The following MEIS2 variants were observed in gnomAD, a reference collection of about 807,000 sequenced individuals.
MEIS2 encodes the protein Meis homeobox 2.
In MEIS2, 9 loss-of-function variants were observed where a neutral mutation model predicts 58.6. That is an observed-to-expected ratio of 0.15 (90% CI 0.09 to 0.27). The LOEUF (loss-of-function observed/expected upper bound fraction) is 0.27, where lower values mean the gene tolerates loss of function less well. MEIS2 is among the 10% of genes least tolerant of loss of function. The pLI, the probability that MEIS2 is intolerant of heterozygous loss-of-function variation, is 1.00. For synonymous variants in MEIS2, 221 were observed against 228.4 expected, an observed-to-expected ratio of 0.97 and a Z score of 0.29; for missense variants, 427 against 635.0, an observed-to-expected ratio of 0.67 and a Z score of 3.52.
intron 7 of MEIS2, among the ~76,000 whole-genome samples, chr15:37,070,388 G>A (rs1190315466): frequency 2.0e-5 from 3 of 152,022 alleles, no homozygotes; most frequent in Non-Finnish European, 4.4e-5. Flanking sequence ...GCAGAGTCCC[G>A]GACCACATTT....
intron 8 of MEIS2, among the ~76,000 whole-genome samples, chr15:37,035,093 G>A (rs2062098242): frequency 1.3e-5 from 2 of 152,168 alleles, no homozygotes; most frequent in African/African-American, 4.8e-5. Flanking sequence ...AAGCATGGAG[G>A]AGGACAGAGG....
At chr15:36,939,773 G>A (rs888902667) in intron 9 of MEIS2, among the ~76,000 whole-genome samples, 5 of 152,108 alleles carry the variant, frequency 3.3e-5, no homozygotes, top group Non-Finnish European at 7.4e-5. Flanking sequence ...AATTTTTATT[G>A]TATAAAGATT....
rs1595913211 is a variant in MEIS2, at chr15:37,007,944, A to G, written c.900+28870T>C. 3.3e-5 allele frequency among the ~76,000 whole-genome samples: 5 copies of G among 152,362 alleles called. No homozygotes were observed. The South Asian group carries it at 1.0e-3, about 32-fold the overall frequency. ...TATATAGCAAAACTTAATGATTTTA[A>G]AACCTAACATTCTCCTCTTCATGTA... On this transcript the variant is annotated intron_variant, in intron 8 of 11. Transcript: ENST00000561208.
intron 9 of MEIS2, among the ~76,000 whole-genome samples, chr15:36,901,859 A>G (rs1338306719): frequency 2.0e-5 from 3 of 152,102 alleles, no homozygotes; most frequent in Non-Finnish European, 2.9e-5. Context: ...TCTTCCCTAA[A>G]GTTACAAGGG....
intron 7 of MEIS2, among the ~76,000 whole-genome samples, chr15:37,049,301 T>C (rs1236973479): frequency 2.6e-5 from 4 of 152,088 alleles, no homozygotes; most frequent in Non-Finnish European, 5.9e-5. Flanking sequence ...AAATGGAAAA[T>C]GACTGCTAAT....
intron 8 of MEIS2, among the ~76,000 whole-genome samples, chr15:36,977,048 C>T (rs2059782930): frequency 6.6e-6 from 1 of 152,124 alleles, no homozygotes; most frequent in Non-Finnish European, 1.5e-5. Flanking sequence ...ATCGTTTGAA[C>T]CTGGGAGGTG....
intron 1 of MEIS2, chr15:37,098,519 G>T: frequency 1.7e-6 from 1 of 572,934 alleles, no homozygotes; most frequent in Non-Finnish European, 2.5e-6. Flanking sequence ...GGAGTTAAAA[G>T]TTGTGAGGAA....
chr15:37,050,434 T>C (rs2062866492), intron 7 of MEIS2, among the ~76,000 whole-genome samples: 1 of 152,206 alleles, frequency 6.6e-6, no homozygotes, highest in African/African-American at 2.4e-5. Context: ...CTATCTAGAA[T>C]GTTTGTCTCT....
intron 8 of MEIS2, among the ~76,000 whole-genome samples, chr15:37,027,947 C>T (rs1354728031): frequency 1.3e-5 from 2 of 152,142 alleles, no homozygotes; most frequent in African/African-American, 4.8e-5. Context: ...ACATCATAAT[C>T]ACCCAGAGTC....
At chr15:36,948,985 T>C (rs1375060738) in intron 9 of MEIS2, among the ~76,000 whole-genome samples, 1 of 152,008 alleles carries the variant, frequency 6.6e-6, no homozygotes, top group Non-Finnish European at 1.5e-5. Context: ...GGTTAGCAGT[T>C]TATTTCTGCA....
intron 7 of MEIS2, among the ~76,000 whole-genome samples, chr15:37,037,472 T>C (rs910835052): frequency 2.6e-5 from 4 of 152,188 alleles, no homozygotes; most frequent in East Asian, 1.9e-4. Context: ...ACTTCTCATA[T>C]GACCCTGCAC....
intron 8 of MEIS2, among the ~76,000 whole-genome samples, chr15:37,032,725 T>TAGAC (rs138532834): frequency 0.017 from 2,632 of 152,252 alleles, 74 homozygotes; most frequent in African/African-American, 0.059. Context: ...AATATATAGA[T>TAGAC]AGATTTATTC....
At chr15:36,961,650 G>T (rs576902096) in intron 8 of MEIS2, among the ~76,000 whole-genome samples, 1 of 152,090 alleles carries the variant, frequency 6.6e-6, no homozygotes, top group South Asian at 2.1e-4. Context: ...AAAAAAATCA[G>T]AAAATATTCA....
intron 7 of MEIS2, among the ~76,000 whole-genome samples, chr15:37,045,212 A>G (rs1470680006): frequency 6.6e-6 from 1 of 152,206 alleles, no homozygotes; most frequent in Non-Finnish European, 1.5e-5. Context: ...CCCACTGCCC[A>G]GCTTGTTTGG....
chr15:37,054,605 G>A (rs556861576), intron 7 of MEIS2, among the ~76,000 whole-genome samples: 160 of 152,130 alleles, frequency 1.1e-3, no homozygotes, highest in Admixed American at 2.2e-3. Context: ...TTTCTGTAGC[G>A]ATGGCGTCTC....
chr15:36,929,368 G>C (rs1485426897), intron 9 of MEIS2, among the ~76,000 whole-genome samples: 1 of 152,162 alleles, frequency 6.6e-6, no homozygotes, highest in Non-Finnish European at 1.5e-5. Flanking sequence ...TGTGGGTATG[G>C]AGTATAAACT....
rs200372632 is a variant in MEIS2 at position 36,897,487 on chromosome 15, GT to G, written c.978-802del. 43 of 152,316 alleles carry G rather than the reference GT, an allele frequency of 2.8e-4. No homozygotes were observed. The East Asian group carries it at 4.0e-3, about 14-fold the overall frequency. The allele number at this position is 152,316 out of a possible 1,614,324, so 9.4% of individuals were successfully genotyped here. ...ATCTAAGAAGCCTGGATCTAATTTT[GT>G]TGGAAATCCAAAAATAAGTGCCTAC... On this transcript the variant is annotated intron_variant, in intron 9 of 11. Coordinates refer to ENST00000561208, the MANE Select transcript of MEIS2 (RefSeq NM_170675.5).
intron 7 of MEIS2, among the ~76,000 whole-genome samples, chr15:37,040,895 T>A (rs2062394888): frequency 6.6e-6 from 1 of 152,220 alleles, no homozygotes; most frequent in Non-Finnish European, 1.5e-5. Flanking sequence ...TTTCAACAAT[T>A]CCTTGGGTTT....
intron 7 of MEIS2, among the ~76,000 whole-genome samples, chr15:37,058,536 GTC>G (rs1243711813): frequency 1.3e-5 from 2 of 152,144 alleles, no homozygotes; most frequent in Non-Finnish European, 2.9e-5. Flanking sequence ...TCTCACAGAC[GTC>G]TCCGGCAGAC....
Sources: gnomAD v4.1 joint callset for allele counts (sites outside exome capture counted in the v4.1 genomes callset) on GRCh38, gnomAD v4.1.1 for gene constraint, MANE v1.5 for transcripts, NCBI Gene and HGNC (gene_info 2026-07-23, HGNC 2026-07-21) for gene names.